GLMN: variants seen among roughly 807,000 people sequenced by gnomAD.
GLMN encodes the protein glomulin, FKBP associated protein.
A neutral mutation model predicts 87.8 loss-of-function variants in GLMN; 75 were observed. The ratio of observed to expected loss-of-function variants is 0.85; its 90% CI spans 0.71 to 1.04. GLMN has a LOEUF of 1.04. Among genes scored for constraint, GLMN ranks in the 50% least tolerant of loss-of-function variants. The pLI is 0.00. For synonymous variants in GLMN, 206 were observed against 221.6 expected, an observed-to-expected ratio of 0.93 and a Z score of 0.63; for missense variants, 588 against 658.8, an observed-to-expected ratio of 0.89 and a Z score of 1.18.
chr1:92,254,285 A>G (rs1386328890), intron 16 of GLMN, among the ~76,000 whole-genome samples: 2 of 152,224 alleles, frequency 1.3e-5, no homozygotes, highest in East Asian at 1.9e-4. Flanking sequence ...GACCAAACCT[A>G]TGTTTGACTG....
At chr1:92,297,329 A>G in intron 3 of GLMN, 75 bp downstream of exon 3, 2 of 1,575,432 alleles carry the variant, frequency 1.3e-6, no homozygotes, top group Non-Finnish European at 1.7e-6. Flanking sequence ...TTTGATGGAT[A>G]AATGACTGGA....
the GLMN span, among the ~76,000 whole-genome samples, chr1:92,367,883 T>G: frequency 6.6e-6 from 1 of 152,238 alleles, no homozygotes; most frequent in Non-Finnish European, 1.5e-5. Flanking sequence ...GGAAATAAAT[T>G]ATGAACGCTC....
At chr1:92,277,086 T>C (rs1200476263) in intron 7 of GLMN, among the ~76,000 whole-genome samples, 1 of 152,170 alleles carries the variant, frequency 6.6e-6, no homozygotes, top group Non-Finnish European at 1.5e-5. Flanking sequence ...ATTTTGCCAA[T>C]TTTACCTACT....
chr1:92,266,536 T>C (rs999447669), intron 12 of GLMN, 44 bp from the exon 13 acceptor site: 1 of 1,224,166 alleles, frequency 8.2e-7, no homozygotes, highest in African/African-American at 1.5e-5. Flanking sequence ...TGAATAAAGC[T>C]TACCCAGACT....
intron 5 of GLMN, among the ~76,000 whole-genome samples, chr1:92,289,752 T>G (rs780795091): frequency 5.6e-4 from 86 of 152,324 alleles, no homozygotes; most frequent in Admixed American, 9.2e-4. Flanking sequence ...CGTTTCATTC[T>G]TCAGTAGTAG....
At chr1:92,332,219 A>T in the GLMN span, among the ~76,000 whole-genome samples, 17 of 151,842 alleles carry the variant, frequency 1.1e-4, no homozygotes, top group South Asian at 3.5e-3. Flanking sequence ...CTTATTCAGC[A>T]TTCTCTCTTC....
At chr1:92,252,563 T>C (rs1390581560) in intron 16 of GLMN, among the ~76,000 whole-genome samples, 4 of 152,186 alleles carry the variant, frequency 2.6e-5, no homozygotes, top group African/African-American at 9.6e-5. Flanking sequence ...AAAAGTAGCC[T>C]AAAGAAATTT....
intron 9 of GLMN, among the ~76,000 whole-genome samples, chr1:92,269,488 A>G (rs148417565): frequency 2.0e-4 from 30 of 152,318 alleles, no homozygotes; most frequent in Admixed American, 1.6e-3. Flanking sequence ...AGATGACTGT[A>G]AAAGCCCTTA....
the GLMN span, among the ~76,000 whole-genome samples, chr1:92,316,641 T>G: frequency 6.6e-6 from 1 of 152,204 alleles, no homozygotes; most frequent in Non-Finnish European, 1.5e-5. Flanking sequence ...CATATTTTTG[T>G]TTTGTAAACT....
the GLMN span, among the ~76,000 whole-genome samples, chr1:92,334,151 G>A: frequency 6.6e-6 from 1 of 152,062 alleles, no homozygotes; most frequent in Non-Finnish European, 1.5e-5. Flanking sequence ...TTATTTAAGG[G>A]TTGTGAATAT....
At chr1:92,365,436 G>A in the GLMN span, among the ~76,000 whole-genome samples, 2 of 152,146 alleles carry the variant, frequency 1.3e-5, no homozygotes, top group Admixed American at 6.5e-5. Context: ...TGATTCATTG[G>A]TCTTGGGTGG....
intron 16 of GLMN, among the ~76,000 whole-genome samples, chr1:92,259,732 C>CTTTTTTTTTTTTTTTTTTTTTTTTTT (rs58390058): frequency 2.8e-5 from 3 of 108,246 alleles, no homozygotes; most frequent in Admixed American, 1.1e-4. Context: ...TTTTTTCTTT[C>CTTTTTTTTTTTTTTTTTTTTTTTTTT]TTTTTTTTTT....
intron 7 of GLMN, among the ~76,000 whole-genome samples, chr1:92,273,614 T>G (rs1023508755): frequency 2.0e-5 from 3 of 151,552 alleles, no homozygotes; most frequent in Non-Finnish European, 4.4e-5. Context: ...CCCGCTATTT[T>G]TTTTTTATTT....
intron 16 of GLMN, among the ~76,000 whole-genome samples, chr1:92,253,076 G>A (rs1653746833): frequency 6.6e-6 from 1 of 152,126 alleles, no homozygotes; most frequent in Non-Finnish European, 1.5e-5. Context: ...AATTCATATA[G>A]AAGTCATCCG....
chr1:92,277,652 A>G (rs1461287553), intron 7 of GLMN, among the ~76,000 whole-genome samples: 1 of 152,242 alleles, frequency 6.6e-6, no homozygotes, highest in Non-Finnish European at 1.5e-5. Flanking sequence ...TGAAGCCTCC[A>G]TAAAAACCCA....
intron 16 of GLMN, among the ~76,000 whole-genome samples, chr1:92,258,451 C>T (rs547563863): frequency 1.0e-3 from 158 of 152,238 alleles, no homozygotes; most frequent in Middle Eastern, 3.4e-3. Context: ...GACACATGCA[C>T]ATGTATGTTT....
chr1:92,302,859 CA>C (rs767239478), upstream of GLMN, among the ~76,000 whole-genome samples: 9 of 151,800 alleles, frequency 5.9e-5, no homozygotes, highest in Non-Finnish European at 1.3e-4. Flanking sequence ...GTCGGCCTCC[CA>C]AAGTGCTGGG....
At chr1:92,291,146 T>C (rs1481548450) in intron 4 of GLMN, among the ~76,000 whole-genome samples, 1 of 152,236 alleles carries the variant, frequency 6.6e-6, no homozygotes, top group African/African-American at 2.4e-5. Flanking sequence ...TGTTAAGATA[T>C]AGCTTCCCAG....
chr1:92,307,094 T>A, the GLMN span: 1 of 852,046 alleles, frequency 1.2e-6, no homozygotes, highest in Non-Finnish European at 1.8e-6. Flanking sequence ...TCCATTTTAT[T>A]CTTTGAACGA....
Sources: gnomAD v4.1 joint callset for allele counts (sites outside exome capture counted in the v4.1 genomes callset) on GRCh38, gnomAD v4.1.1 for gene constraint, MANE v1.5 for transcripts, NCBI Gene and HGNC (gene_info 2026-07-23, HGNC 2026-07-21) for gene names.